ERBB4: variants seen among roughly 807,000 people sequenced by gnomAD.
ERBB4 encodes the protein erb-b2 receptor tyrosine kinase 4, also known as receptor tyrosine-protein kinase erbB-4.
ERBB4 carries 42 observed loss-of-function variants against 158.0 expected under a neutral mutation model. The observed-to-expected ratio is 0.27, with a 90% confidence interval of 0.21 to 0.34. The LOEUF (loss-of-function observed/expected upper bound fraction) is 0.34, where lower values mean the gene tolerates loss of function less well. ERBB4 is among the 10% of genes least tolerant of loss of function. ERBB4 has a pLI of 1.00. For missense variants in ERBB4, 1,333 were observed against 1,624.1 expected (o/e 0.82, Z 3.08); for synonymous variants, 583 against 558.7 (o/e 1.04, Z -0.61).
chr2:211,675,068 T>C (rs990758806), intron 13 of ERBB4, among the ~76,000 whole-genome samples: 71 of 152,176 alleles, frequency 4.7e-4, no homozygotes, highest in African/African-American at 1.6e-3. Flanking sequence ...CTATTACTTC[T>C]TCTGCCCTTT....
intron 3 of ERBB4, among the ~76,000 whole-genome samples, chr2:211,889,858 A>G (rs551471602): frequency 4.1e-4 from 62 of 151,308 alleles, no homozygotes; most frequent in East Asian, 2.0e-4. Flanking sequence ...TTAGAGAAAA[A>G]AGAATAAAAA....
chr2:211,440,494 T>C (rs946507106), intron 20 of ERBB4, among the ~76,000 whole-genome samples: 1 of 152,212 alleles, frequency 6.6e-6, no homozygotes, highest in Non-Finnish European at 1.5e-5. Context: ...AGAGAGGTGG[T>C]TGAATGTCTG....
At chr2:212,445,794 T>G (rs539669404) in intron 1 of ERBB4, among the ~76,000 whole-genome samples, 1 of 152,294 alleles carries the variant, frequency 6.6e-6, no homozygotes, top group East Asian at 1.9e-4. Flanking sequence ...CTGAGGTACT[T>G]GCTGAAGTCA....
chr2:212,313,533 AATATC>A (rs141071369), intron 1 of ERBB4, among the ~76,000 whole-genome samples: 20,126 of 150,484 alleles, frequency 0.13, 1,416 homozygotes, highest in South Asian at 0.22. Context: ...CTAGTTTATT[AATATC>A]ATATAATATG....
intron 3 of ERBB4, among the ~76,000 whole-genome samples, chr2:211,881,326 T>C (rs2078655027): frequency 6.6e-6 from 1 of 152,150 alleles, no homozygotes; most frequent in African/African-American, 2.4e-5. Flanking sequence ...GCAGTTTCCC[T>C]TTTAACAAAA....
At chr2:212,201,922 A>G (rs1002588521) in intron 1 of ERBB4, among the ~76,000 whole-genome samples, 4 of 152,250 alleles carry the variant, frequency 2.6e-5, no homozygotes, top group East Asian at 3.9e-4. Flanking sequence ...TTTTATTTAC[A>G]TATATGTATT....
At chr2:212,531,125 T>C (rs907444876) in intron 1 of ERBB4, among the ~76,000 whole-genome samples, 1 of 152,196 alleles carries the variant, frequency 6.6e-6, no homozygotes, top group Non-Finnish European at 1.5e-5. Flanking sequence ...GGAAGTTTCA[T>C]GGTGTTTATG....
intron 20 of ERBB4, among the ~76,000 whole-genome samples, chr2:211,548,218 G>T: frequency 6.6e-6 from 1 of 151,910 alleles, no homozygotes; most frequent in South Asian, 2.1e-4. Context: ...AATTGTTTCA[G>T]GGAGAGGGTG....
At chr2:211,401,929 A>C (rs1190933834) in intron 25 of ERBB4, among the ~76,000 whole-genome samples, 4 of 151,566 alleles carry the variant, frequency 2.6e-5, no homozygotes, top group African/African-American at 4.8e-5. Context: ...CTATGTCACA[A>C]TTATAATATA....
chr2:212,368,278 G>C (rs1442615695), intron 1 of ERBB4, among the ~76,000 whole-genome samples: 1 of 152,100 alleles, frequency 6.6e-6, no homozygotes. Flanking sequence ...CATTTGCAGT[G>C]ACCTGGATGA....
At chr2:211,990,796 G>A (rs1430001970) in intron 2 of ERBB4, among the ~76,000 whole-genome samples, 1 of 151,760 alleles carries the variant, frequency 6.6e-6, no homozygotes, top group Admixed American at 6.6e-5. Flanking sequence ...AACGTAAGAA[G>A]TAACTAATAA....
At chr2:212,241,667 T>C (rs954305012) in intron 1 of ERBB4, among the ~76,000 whole-genome samples, 1 of 152,194 alleles carries the variant, frequency 6.6e-6, no homozygotes, top group South Asian at 2.1e-4. Flanking sequence ...ATTTTCAATA[T>C]TTGCGACCAT....
chr2:211,903,131 AT>A (rs1422157489), intron 3 of ERBB4, among the ~76,000 whole-genome samples: 7 of 150,466 alleles, frequency 4.7e-5, no homozygotes, highest in African/African-American at 1.7e-4. Context: ...ATTTGCCACA[AT>A]GTTTCTTTCT....
At chr2:212,259,009 T>C (rs1025220432) in intron 1 of ERBB4, among the ~76,000 whole-genome samples, 2 of 152,118 alleles carry the variant, frequency 1.3e-5, no homozygotes, top group Non-Finnish European at 2.9e-5. Context: ...TAAAAAAAGA[T>C]TGACTTATGG....
intron 20 of ERBB4, among the ~76,000 whole-genome samples, chr2:211,553,546 T>C (rs532931448): frequency 2.1e-3 from 315 of 152,340 alleles, no homozygotes; most frequent in African/African-American, 4.1e-3. Flanking sequence ...TATAAACATA[T>C]GTCTGTCCTT....
At chr2:211,694,860 G>C (rs1308808791) in intron 12 of ERBB4, among the ~76,000 whole-genome samples, 1 of 152,060 alleles carries the variant, frequency 6.6e-6, no homozygotes, top group Non-Finnish European at 1.5e-5. Context: ...GGTTAGGAGT[G>C]CACAAATTAA....
At chr2:211,684,312 A>G (rs1224707552) in intron 12 of ERBB4, among the ~76,000 whole-genome samples, 1 of 152,130 alleles carries the variant, frequency 6.6e-6, no homozygotes, top group Non-Finnish European at 1.5e-5. Flanking sequence ...TTAGCTGGGC[A>G]TGGTGTTGCA....
chr2:211,915,336 CAATCTT>C (rs1249548216), intron 3 of ERBB4, among the ~76,000 whole-genome samples: 1 of 151,864 alleles, frequency 6.6e-6, no homozygotes, highest in Non-Finnish European at 1.5e-5. Flanking sequence ...CCTTCAATAA[CAATCTT>C]AATTAAAGTT....
chr2:211,797,924 A>G (rs947632210), intron 3 of ERBB4, among the ~76,000 whole-genome samples: 8 of 152,090 alleles, frequency 5.3e-5, no homozygotes, highest in Admixed American at 5.2e-4. Flanking sequence ...AAAATACAAA[A>G]TATCAGGTAC....
Sources: gnomAD v4.1 joint callset for allele counts (sites outside exome capture counted in the v4.1 genomes callset) on GRCh38, gnomAD v4.1.1 for gene constraint, MANE v1.5 for transcripts, NCBI Gene and HGNC (gene_info 2026-07-23, HGNC 2026-07-21) for gene names.